MYO15A: variants seen among roughly 807,000 people sequenced by gnomAD.
The protein encoded by MYO15A is myosin XVA, also known as unconventional myosin-XV.
In MYO15A, 308 loss-of-function variants were observed where a neutral mutation model predicts 394.6. The observed-to-expected ratio is 0.78, with a 90% CI of 0.71 to 0.86. The LOEUF is 0.86. MYO15A is among the 40% of genes least tolerant of loss of function. MYO15A has a pLI of 0.00. For missense variants in MYO15A, 4,606 were observed against 4,799.1 expected, an observed-to-expected ratio of 0.96 and a Z score of 1.19; for synonymous variants, 1,957 against 2,003.8, an observed-to-expected ratio of 0.98 and a Z score of 0.62.
chr17:18,155,344 G>A lies in MYO15A; in HGVS notation c.8371G>A (p.Ala2791Thr), dbSNP rs772298189. 5.0e-6 allele frequency: 8 copies of A among 1,613,826 alleles called. No homozygotes were observed. Among genetic ancestry groups the A allele is most frequent in the Non-Finnish European group, 6.8e-6 (8 of 1,180,036 alleles). Residue 2791 changes from alanine to threonine, a missense_variant, in exon 47 of 66, where the codon GCT becomes ACT. By Grantham distance (58) the Ala-to-Thr change is moderately conservative (BLOSUM62 0). Coordinates refer to ENST00000647165, the MANE Select transcript of MYO15A (RefSeq NM_016239.4). ...GSVGTGVQLL[A>T]VSHVGIKLLR... is the part of the protein sequence containing the mutation. ...CGTGGGCACTGGTGTGCAGCTCCTA[G>A]CTGTGTCCCACGTGGGCATCAAACT...
In MYO15A at chr17:18,132,793, C is replaced by G. The variant is rs1459825011; in HGVS notation, c.4320+227C>G. Reference sequence around the variant, plus strand: ...CTACCTGACTTCATTTCTCTGGAACCTGGAACAGAACCAACCAGTCTAGAG... The same window carrying G: ...CTACCTGACTTCATTTCTCTGGAACGTGGAACAGAACCAACCAGTCTAGAG... On this transcript the variant is annotated intron_variant, in intron 11 of 65. Coordinates refer to ENST00000647165, the MANE Select transcript of MYO15A (RefSeq NM_016239.4). The surrounding 1 kb of genome is among the most constrained non-coding windows in gnomAD (Gnocchi z 4.6). Among the ~76,000 whole-genome samples the G allele has an allele frequency of 1.3e-5, 2 of 152,204 alleles. No individual in the cohort carries two copies. Among genetic ancestry groups the G allele is most frequent in the African/African-American group, 4.8e-5 (2 of 41,450 alleles).
intron 61 of MYO15A, 148 bp downstream of exon 61, chr17:18,166,669 G>A (rs2046859749): frequency 8.7e-7 from 1 of 1,153,872 alleles, no homozygotes; most frequent in South Asian, 1.3e-5. Flanking sequence ...CCCCTATGTG[G>A]TCTCTTTGGA....
chr17:18,146,210 C>A, intron 30 of MYO15A, 103 bp downstream of exon 30: 2 of 1,243,564 alleles, frequency 1.6e-6, no homozygotes, highest in Non-Finnish European at 1.1e-6. Flanking sequence ...GATCTCTATG[C>A]TGGGAAGCTC....
Position 18,132,388 on chromosome 17 carries a change from A to G in MYO15A, c.4207-65A>G. On this transcript the variant is annotated intron_variant, in intron 10 of 65. Transcript: ENST00000647165. The surrounding 1 kb of genome is among the most constrained non-coding windows in gnomAD (Gnocchi z 4.6). Reference sequence around the variant, plus strand: ...CACTTGTGGGCAGGCTTGGGCTTGTATGTGTGCCTGGGGGTCACCTAGGTA... The same window carrying G: ...CACTTGTGGGCAGGCTTGGGCTTGTGTGTGTGCCTGGGGGTCACCTAGGTA... The G allele has an allele frequency of 7.7e-7, 1 of 1,293,358 alleles. No homozygotes were observed. The allele number at this position is 1,293,358 out of a possible 1,614,324, so 80.1% of individuals were successfully genotyped here.
At chr17:18,142,656 G>A in intron 24 of MYO15A, 100 bp from the exon 25 acceptor site, 2 of 990,140 alleles carry the variant, frequency 2.0e-6, no homozygotes, top group Non-Finnish European at 3.2e-6. Context: ...TGAGATGTGG[G>A]CACTGGCTCC....
intron 55 of MYO15A, 60 bp from the exon 56 acceptor site, chr17:18,159,875 C>A: frequency 6.3e-7 from 1 of 1,575,734 alleles, no homozygotes; most frequent in East Asian, 2.3e-5. Flanking sequence ...TCTTATGTAC[C>A]TGGTATATGA....
Position 18,124,519 on chromosome 17 carries a change from C to T in MYO15A, c.3646C>T (p.Arg1216Cys), listed in dbSNP as rs547573001. 9.3e-6 allele frequency: 15 copies of T among 1,613,140 alleles called. No homozygotes were observed. The highest frequency in any genetic ancestry group is 1.7e-5 in the Admixed American group (1 of 60,012). ...CCGCAACCTGCCATCCATGCGGTTC[C>T]GTGAGCAGCACGGGGAGGATGGTGT... ...SIRNLPSMRF[R>C]EQHGEDGVED... Residue 1216 changes from arginine to cysteine, a missense_variant, in exon 3 of 66, where the codon CGT becomes TGT. By Grantham distance (180) the Arg-to-Cys change is radical. Transcript: ENST00000647165.
chr17:18,178,505 C>A (rs2047046327), intron 65 of MYO15A: 1 of 601,604 alleles, frequency 1.7e-6, no homozygotes, highest in South Asian at 1.8e-5. Context: ...AAGCGATAGA[C>A]CCTGGGTCAC....
chr17:18,133,150 C>A, intron 11 of MYO15A, 75 bp from the exon 12 acceptor site: 2 of 1,502,670 alleles, frequency 1.3e-6, no homozygotes, highest in South Asian at 2.3e-5. Context: ...CACTACTGGT[C>A]AGGGCAGAGC....
At chr17:18,158,772 T>C (rs2142391791) in intron 52 of MYO15A, 134 bp downstream of exon 52, 1 of 1,372,748 alleles carries the variant, frequency 7.3e-7, no homozygotes, top group Non-Finnish European at 1.0e-6. Flanking sequence ...GGTGTGAGGC[T>C]CATTTCAGTG....
chr17:18,154,851 C>T, intron 45 of MYO15A, 96 bp downstream of exon 45: 1 of 1,335,400 alleles, frequency 7.5e-7, no homozygotes. Context: ...AAGCCCAGGC[C>T]CACCATCTCC....
chr17:18,162,159 G>A (rs1218620910), intron 57 of MYO15A, among the ~76,000 whole-genome samples: 1 of 152,182 alleles, frequency 6.6e-6, no homozygotes, highest in African/African-American at 2.4e-5. Flanking sequence ...ATGGAGCACT[G>A]ATGCTGGGGT....
At position 18,144,681 on chromosome 17, in the gene MYO15A, C is replaced by A. The variant is rs2046445147; in HGVS notation, c.6273+89C>A. 7.1e-6 allele frequency: 9 copies of A among 1,266,964 alleles called. No individual in the cohort carries two copies. The East Asian group carries it at 1.4e-4, about 20-fold the overall frequency. 78.5% of individuals were successfully genotyped at this position (1,266,964 alleles called of 1,614,324 possible). ...GGCTCCCAGTCTTCCCAGCCCTCCCCAAGCCCAACCCATGAGCCCCACACC... is the reference window on the plus strand; with the variant it reads ...GGCTCCCAGTCTTCCCAGCCCTCCCAAAGCCCAACCCATGAGCCCCACACC... On this transcript the variant is annotated intron_variant, in intron 29 of 65. Coordinates refer to ENST00000647165, the MANE Select transcript of MYO15A (RefSeq NM_016239.4).
chr17:18,128,261 C>T (rs550541913), intron 7 of MYO15A, among the ~76,000 whole-genome samples: 1 of 152,220 alleles, frequency 6.6e-6, no homozygotes, highest in South Asian at 2.1e-4. Flanking sequence ...TAGGCATCTA[C>T]ACAGAGATGG....
At chr17:18,166,239 G>T in intron 60 of MYO15A, 122 bp from the exon 61 acceptor site, 1 of 1,268,238 alleles carries the variant, frequency 7.9e-7, no homozygotes, top group Non-Finnish European at 1.1e-6. Flanking sequence ...CAGGCAGGTG[G>T]CTTGTCCGAG....
chr17:18,130,284 G>A (rs1034288649), intron 7 of MYO15A, among the ~76,000 whole-genome samples: 30 of 152,094 alleles, frequency 2.0e-4, no homozygotes, highest in Non-Finnish European at 1.5e-5. Flanking sequence ...CAGTAGATCC[G>A]TGCCTGTAGG....
intron 1 of MYO15A, chr17:18,110,164 G>A (rs1163840834): frequency 1.3e-5 from 2 of 152,140 alleles, no homozygotes; most frequent in Non-Finnish European, 2.9e-5. Context: ...CCAACCCCAA[G>A]ACTACTTGTC....
intron 54 of MYO15A, 41 bp downstream of exon 54, chr17:18,159,388 G>C (rs756312081): frequency 6.2e-7 from 1 of 1,607,112 alleles, no homozygotes; most frequent in Admixed American, 1.7e-5. Context: ...GGGCTAGGTG[G>C]GATCCAGCAC....
Position 18,132,696 on chromosome 17 carries a change from T to C in MYO15A, c.4320+130T>C, listed in dbSNP as rs2142304918. 1 of 769,614 alleles carries C rather than the reference T, an allele frequency of 1.3e-6. No homozygotes were observed. Among genetic ancestry groups the C allele is most frequent in the Non-Finnish European group, 2.2e-6 (1 of 450,572 alleles). 47.7% of individuals were successfully genotyped at this position (769,614 alleles called of 1,614,324 possible). On this transcript the variant is annotated intron_variant, in intron 11 of 65. Coordinates refer to ENST00000647165, the MANE Select transcript of MYO15A (RefSeq NM_016239.4). This position sits in a 1 kb window ranked among gnomAD's most constrained non-coding sequence, Gnocchi z 4.6. ...GAAGGAGATTTGGGGAGGGTGAGTT[T>C]GGATTTAAGACATCTCATGGCAGTG...
Sources: allele counts gnomAD v4.1 joint callset (sites outside exome capture counted in the v4.1 genomes callset), GRCh38; gene constraint gnomAD v4.1.1; non-coding constraint Gnocchi (gnomAD v3.1); transcripts MANE v1.5; gene names NCBI Gene and HGNC (gene_info 2026-07-23, HGNC 2026-07-21).